The following ADAM22 variants were observed in gnomAD, a reference collection of about 807,000 sequenced individuals.
The protein encoded by ADAM22 is ADAM metallopeptidase domain 22.
ADAM22 carries 65 observed loss-of-function variants against 144.6 expected under a neutral mutation model. The ratio of observed to expected loss-of-function variants is 0.45; its 90% CI spans 0.37 to 0.55. The LOEUF (loss-of-function observed/expected upper bound fraction) is 0.55. Among genes scored for constraint, ADAM22 ranks in the 20% least tolerant of loss-of-function variants. The pLI is 0.00. For missense variants in ADAM22, 974 were observed against 1,184.9 expected (o/e 0.82, Z 2.61); for synonymous variants, 391 against 412.6 (o/e 0.95, Z 0.63).
intron 2 of ADAM22, among the ~76,000 whole-genome samples, chr7:87,963,794 A>C (rs898658488): frequency 6.6e-6 from 1 of 152,066 alleles, no homozygotes; most frequent in African/African-American, 2.4e-5. Flanking sequence ...GCTCCTTGTA[A>C]TTTTATTCAT....
intron 3 of ADAM22, among the ~76,000 whole-genome samples, chr7:88,045,815 A>G (rs1230212603): frequency 6.6e-6 from 1 of 151,406 alleles, no homozygotes; most frequent in Non-Finnish European, 1.5e-5. Context: ...TTTCATTTAT[A>G]ATGTCCTCCA....
In ADAM22 at chr7:88,181,523, T is replaced by C; in HGVS notation, c.2514T>C (p.His838=). ...ATTTCAGGTCAAATGGGCTCTCTCA[T>C]TCTTGGAGTGAAAGGATTCCAGACA... The part of the protein sequence containing the change: ...LFCSRSNGLS[H]SWSERIPDTK... Residue 838 remains histidine, a synonymous_variant, in exon 28 of 32, where the codon CAT becomes CAC. Transcript: ENST00000413139. 1.2e-6 allele frequency: 2 copies of C among 1,613,736 alleles called. No individual in the cohort carries two copies. The highest frequency in any genetic ancestry group is 2.2e-5 in the South Asian group (2 of 91,020).
At chr7:87,936,238 G>A (rs1005400189) in intron 2 of ADAM22, among the ~76,000 whole-genome samples, 16 of 151,388 alleles carry the variant, frequency 1.1e-4, no homozygotes, top group Non-Finnish European at 2.4e-4. Flanking sequence ...ATAGAAGGTG[G>A]GAAATTAGCT....
chr7:88,037,584 T>A (rs957164267), intron 3 of ADAM22, among the ~76,000 whole-genome samples: 2 of 152,154 alleles, frequency 1.3e-5, no homozygotes, highest in African/African-American at 4.8e-5. Flanking sequence ...TCTGCCTTGA[T>A]GTGTTTTATT....
intron 3 of ADAM22, among the ~76,000 whole-genome samples, chr7:88,041,141 T>C (rs1271534157): frequency 6.6e-6 from 1 of 152,052 alleles, no homozygotes; most frequent in Admixed American, 6.5e-5. Flanking sequence ...TAATTACATC[T>C]GTGAAAACCC....
At chr7:88,057,736 G>A (rs1253449801) in intron 3 of ADAM22, among the ~76,000 whole-genome samples, 3 of 152,216 alleles carry the variant, frequency 2.0e-5, no homozygotes, top group African/African-American at 7.2e-5. Flanking sequence ...ATATTTGCTG[G>A]AAATGGCCCT....
chr7:88,076,044 C>T (rs890733128), intron 4 of ADAM22, among the ~76,000 whole-genome samples: 12 of 152,054 alleles, frequency 7.9e-5, no homozygotes, highest in African/African-American at 2.2e-4. Flanking sequence ...GACAAAGTCT[C>T]GCTCTTGTCG....
At chr7:88,194,318 C>T (rs919854041) in intron 31 of ADAM22, among the ~76,000 whole-genome samples, 1 of 152,152 alleles carries the variant, frequency 6.6e-6, no homozygotes, top group Non-Finnish European at 1.5e-5. Context: ...AATGATAGCT[C>T]CCTAGAAAAA....
intron 3 of ADAM22, among the ~76,000 whole-genome samples, chr7:88,054,934 TG>T (rs1336258617): frequency 6.6e-6 from 1 of 152,108 alleles, no homozygotes; most frequent in African/African-American, 2.4e-5. Context: ...AACAATTCGT[TG>T]TTTTAAACTT....
chr7:87,934,660 A>ATTTTTTTTT, intron 1 of ADAM22, 110 bp downstream of exon 1: 1 of 704,598 alleles, frequency 1.4e-6, no homozygotes, highest in Non-Finnish European at 2.1e-6. Flanking sequence ...GCGCGGGGAG[A>ATTTTTTTTT]TTTTTTTTTT....
chr7:88,090,922 G>A (rs1415592293), intron 4 of ADAM22, among the ~76,000 whole-genome samples: 1 of 152,110 alleles, frequency 6.6e-6, no homozygotes, highest in African/African-American at 2.4e-5. Context: ...ATAGTGAATT[G>A]TGTCAGAGGA....
At chr7:87,971,058 T>G (rs1850331265) in intron 2 of ADAM22, among the ~76,000 whole-genome samples, 1 of 152,160 alleles carries the variant, frequency 6.6e-6, no homozygotes, top group African/African-American at 2.4e-5. Flanking sequence ...TTTCCTTAAG[T>G]GACAGACATA....
At position 87,952,752 on chromosome 7, in the gene ADAM22, G is replaced by A. The variant is rs1845593154; in HGVS notation, c.246+17566G>A. Among the ~76,000 whole-genome samples the A allele has an allele frequency of 2.0e-5, 3 of 152,230 alleles. No homozygotes were observed. In the South Asian group the frequency reaches 6.2e-4, roughly 32 times the overall value. Reference sequence around the variant, plus strand: ...CTCCTTGTACCTCTGGTAGAATTCGGCTGTGAATCCATCTGGTCCTGGATT... The same window carrying A: ...CTCCTTGTACCTCTGGTAGAATTCGACTGTGAATCCATCTGGTCCTGGATT... On this transcript the variant is annotated intron_variant, in intron 2 of 31. Coordinates refer to ENST00000413139, the MANE Select transcript of ADAM22 (RefSeq NM_001324418.2).
At chr7:88,142,181 C>T (rs760516666) in intron 14 of ADAM22, among the ~76,000 whole-genome samples, 2 of 152,152 alleles carry the variant, frequency 1.3e-5, no homozygotes, top group Non-Finnish European at 2.9e-5. Flanking sequence ...AGAAGTACAT[C>T]CTCCTACATA....
At chr7:88,068,551 G>T (rs562178386) in intron 3 of ADAM22, among the ~76,000 whole-genome samples, 3 of 152,212 alleles carry the variant, frequency 2.0e-5, no homozygotes, top group African/African-American at 7.2e-5. Flanking sequence ...GTAATTTGGG[G>T]CAGCATAACA....
intron 2 of ADAM22, 83 bp from the exon 3 acceptor site, chr7:87,978,253 T>C: frequency 9.3e-7 from 1 of 1,071,838 alleles, no homozygotes; most frequent in Non-Finnish European, 1.4e-6. Context: ...ATTGTAAGTG[T>C]TTTGAAATAA....
At chr7:88,008,695 A>AACAATGAGAACACATGG (rs1260444619) in intron 3 of ADAM22, among the ~76,000 whole-genome samples, 1 of 152,104 alleles carries the variant, frequency 6.6e-6, no homozygotes, top group African/African-American at 2.4e-5. Flanking sequence ...ATGGGAATTG[A>AACAATGAGAACACATGG]ACAATGAGAA....
intron 3 of ADAM22, among the ~76,000 whole-genome samples, chr7:88,053,830 T>C (rs1219274655): frequency 6.6e-6 from 1 of 151,984 alleles, no homozygotes; most frequent in South Asian, 2.1e-4. Flanking sequence ...AGTTTTTTAT[T>C]ATTACAAATG....
At chr7:88,122,143 A>G (rs1829454988) in intron 7 of ADAM22, among the ~76,000 whole-genome samples, 1 of 152,120 alleles carries the variant, frequency 6.6e-6, no homozygotes, top group Non-Finnish European at 1.5e-5. Context: ...GGCAGAATTC[A>G]GTTCTTCTTA....
Sources: gnomAD v4.1 joint callset for allele counts (sites outside exome capture counted in the v4.1 genomes callset) on GRCh38, gnomAD v4.1.1 for gene constraint, MANE v1.5 for transcripts, NCBI Gene and HGNC (gene_info 2026-07-23, HGNC 2026-07-21) for gene names.